CUBN: variants seen among roughly 807,000 people sequenced by gnomAD.
CUBN encodes 460 kDa receptor.
CUBN carries 282 observed loss-of-function variants against 405.3 expected under a neutral mutation model. That is an observed-to-expected ratio of 0.70 (90% CI 0.63 to 0.77). CUBN has a LOEUF of 0.77. Ranked by LOEUF, CUBN falls within the 30% of genes least tolerant of loss-of-function variation. The pLI is 0.00. For synonymous variants in CUBN, 1,684 were observed against 1,617.0 expected (o/e 1.04, Z -0.99); for missense variants, 4,514 against 4,475.2 (o/e 1.01, Z -0.25).
chr10:16,903,755 AAAT>A (rs1231042720), intron 51 of CUBN, among the ~76,000 whole-genome samples: 23 of 149,632 alleles, frequency 1.5e-4, no homozygotes, highest in East Asian at 3.9e-4. Flanking sequence ...TTTTAAAATT[AAAT>A]AATAATTTTA....
intron 31 of CUBN, among the ~76,000 whole-genome samples, chr10:16,969,591 G>C (rs1843496640): frequency 6.6e-6 from 1 of 152,162 alleles, no homozygotes; most frequent in African/African-American, 2.4e-5. Context: ...TAGACCTCAT[G>C]ATCCGCCTGC....
chr10:16,945,643 C>T (rs974938319), intron 36 of CUBN, among the ~76,000 whole-genome samples: 11 of 151,890 alleles, frequency 7.2e-5, no homozygotes, highest in African/African-American at 2.4e-4. Flanking sequence ...TGGCATGTGC[C>T]TGTAATCCTA....
chr10:16,824,861 T>C lies in CUBN; in HGVS notation c.*114A>G, dbSNP rs953053161. ...CTATCCATGGTTTGGTGAAAAACCATACAAGTTCAGCTTATTCTCTGTGGC... is the reference window on the plus strand; with the variant it reads ...CTATCCATGGTTTGGTGAAAAACCACACAAGTTCAGCTTATTCTCTGTGGC... On this transcript the variant is annotated 3_prime_UTR_variant, in exon 67 of 67. Transcript: ENST00000377833. The C allele has an allele frequency of 1.4e-5, 11 of 788,006 alleles. No individual in the cohort carries two copies. The highest frequency in any genetic ancestry group is 2.4e-5 in the Non-Finnish European group (11 of 454,712). The allele number at this position is 788,006 out of a possible 1,614,324, so 48.8% of individuals were successfully genotyped here. A position where few individuals can be genotyped will look rare whatever the true frequency, so the allele number is the denominator to read the frequency against.
chr10:16,962,827 G>GGTGAGTGGCACCTGGTGCAC (rs1843273234), intron 31 of CUBN, among the ~76,000 whole-genome samples: 2 of 152,128 alleles, frequency 1.3e-5, no homozygotes, highest in African/African-American at 4.8e-5. Context: ...CAGGAAGCAT[G>GGTGAGTGGCACCTGGTGCAC]CAGGTGAGTG....
In CUBN at chr10:16,928,158, C is replaced by G. The variant is rs766876298; in HGVS notation, c.6270G>C (p.Lys2090Asn). 3.7e-6 allele frequency: 6 copies of G among 1,613,430 alleles called. No homozygotes were observed. The highest frequency in any genetic ancestry group is 5.1e-6 in the Non-Finnish European group (6 of 1,179,690). The change falls in exon 41 of 67, where the codon AAG (lysine) becomes AAC (asparagine). Residue 2090 changes from lysine to asparagine, a missense_variant and splice_region_variant. Physicochemically the swap from Lys to Asn is moderately conservative, Grantham distance 94. Around this residue, in one of 5 missense-constraint regions of CUBN, gnomAD observed 1,613 missense variants for 1,542.8 expected, o/e 1.05. Coordinates refer to ENST00000377833, the MANE Select transcript of CUBN (RefSeq NM_001081.4). Reference sequence around the variant, plus strand: ...TTAAAAAATATTTGAACTCATTACTCTTGTGAAAGGATGCATTGAAGCCTG... The same window carrying G: ...TTAAAAAATATTTGAACTCATTACTGTTGTGAAAGGATGCATTGAAGCCTG... Reference protein sequence around the residue: ...TRAGFNASFHKSCGGYLHADR... With the variant: ...TRAGFNASFHNSCGGYLHADR...
chr10:16,898,851 T>G, intron 54 of CUBN, 145 bp downstream of exon 54: 1 of 695,122 alleles, frequency 1.4e-6, no homozygotes, highest in East Asian at 2.6e-5. Flanking sequence ...TCCTAACAGT[T>G]GAGGTTTCTC....
At chr10:16,836,111 T>C in intron 63 of CUBN, 124 bp downstream of exon 63, 1 of 940,642 alleles carries the variant, frequency 1.1e-6, no homozygotes, top group Non-Finnish European at 1.7e-6. Context: ...GAGAGGGATG[T>C]GGTTTTTGTT....
chr10:16,975,691 T>TGGC (rs1833072741), intron 31 of CUBN, among the ~76,000 whole-genome samples: 1 of 147,624 alleles, frequency 6.8e-6, no homozygotes, highest in Admixed American at 6.9e-5. Context: ...AGTGCAGTGG[T>TGGC]GCAATCTTGG....
chr10:17,035,879 G>C (rs1480951728), intron 27 of CUBN, among the ~76,000 whole-genome samples: 1 of 151,834 alleles, frequency 6.6e-6, no homozygotes, highest in African/African-American at 2.4e-5. Flanking sequence ...AAAAAATAAT[G>C]AGAACTAGGC....
At chr10:16,995,877 T>C (rs1007932967) in intron 28 of CUBN, among the ~76,000 whole-genome samples, 13 of 152,198 alleles carry the variant, frequency 8.5e-5, no homozygotes, top group Non-Finnish European at 1.8e-4. Context: ...AAATTAATCA[T>C]GACAACGGGA....
chr10:16,968,273 G>A (rs921675989), intron 31 of CUBN, among the ~76,000 whole-genome samples: 2 of 151,738 alleles, frequency 1.3e-5, no homozygotes, highest in African/African-American at 2.4e-5. Context: ...TTTTATTGTC[G>A]AATAATGGAA....
chr10:17,063,580 A>T (rs1445285201), intron 22 of CUBN, among the ~76,000 whole-genome samples: 1 of 151,806 alleles, frequency 6.6e-6, no homozygotes, highest in Non-Finnish European at 1.5e-5. Flanking sequence ...CGTGTATCTT[A>T]TCTTTCTGAA....
At position 16,877,043 on chromosome 10, in the gene CUBN, C is replaced by T. The variant is rs1168239614; in HGVS notation, c.8960G>A (p.Gly2987Asp). The T allele has an allele frequency of 1.2e-6, 2 of 1,614,020 alleles. No homozygotes were observed. The highest frequency in any genetic ancestry group is 1.7e-6 in the Non-Finnish European group (2 of 1,180,032). The change falls in exon 57 of 67, where the codon GGT (glycine) becomes GAT (aspartate). Residue 2987 changes from glycine to aspartate, a missense_variant. Physicochemically the swap from Gly to Asp is moderately conservative, Grantham distance 94. Coordinates refer to ENST00000377833, the MANE Select transcript of CUBN (RefSeq NM_001081.4). ...AAATGGGGTGGACATGACGCTGTAA[C>T]CTCTGATAATGTGCACGCCATCGTT... ...CVNDGVHIIR[G>D]YSVMSTPFAT...
At chr10:17,097,671 T>A (rs1460640720) in intron 14 of CUBN, among the ~76,000 whole-genome samples, 1 of 152,248 alleles carries the variant, frequency 6.6e-6, no homozygotes, top group Admixed American at 6.5e-5. Flanking sequence ...TAACTTGCCA[T>A]GAACAAATGG....
chr10:17,056,548 G>GAACCAGTGGAGTGAAC (rs1835400867), intron 22 of CUBN, among the ~76,000 whole-genome samples: 1 of 151,932 alleles, frequency 6.6e-6, no homozygotes, highest in African/African-American at 2.4e-5. Context: ...GTCGGAGCTT[G>GAACCAGTGGAGTGAAC]CAGTGAGCCG....
intron 51 of CUBN, among the ~76,000 whole-genome samples, chr10:16,903,605 T>C (rs1554790715): frequency 6.7e-6 from 1 of 148,720 alleles, no homozygotes; most frequent in Non-Finnish European, 1.5e-5. Context: ...TTATAATAAT[T>C]ATGCAAATTA....
intron 28 of CUBN, among the ~76,000 whole-genome samples, chr10:17,001,791 T>C (rs1360015323): frequency 1.3e-5 from 2 of 152,246 alleles, no homozygotes; most frequent in African/African-American, 2.4e-5. Context: ...GTAAAATCTA[T>C]ATTATTTATC....
At chr10:17,064,657 G>A (rs1259210928) in intron 22 of CUBN, among the ~76,000 whole-genome samples, 1 of 152,086 alleles carries the variant, frequency 6.6e-6, no homozygotes, top group Non-Finnish European at 1.5e-5. Flanking sequence ...CACATCCTAG[G>A]GAAACATGAG....
chr10:16,862,286 C>A (rs569714937), intron 59 of CUBN, among the ~76,000 whole-genome samples: 2 of 152,228 alleles, frequency 1.3e-5, no homozygotes, highest in South Asian at 4.1e-4. Flanking sequence ...AACTCATGTT[C>A]AAAGCCTGGC....
Sources: allele counts gnomAD v4.1 joint callset (sites outside exome capture counted in the v4.1 genomes callset), GRCh38; gene constraint gnomAD v4.1.1; regional missense constraint gnomAD v4.1.1; transcripts MANE v1.5; gene names NCBI Gene and HGNC (gene_info 2026-07-23, HGNC 2026-07-21).